Variants in SYT1 observed in about 807,000 individuals in gnomAD.
The protein encoded by SYT1 is synaptotagmin 1, also known as synaptotagmin-1.
SYT1 carries 8 observed loss-of-function variants against 44.8 expected under a neutral mutation model. The observed-to-expected ratio is 0.18, with a 90% CI of 0.10 to 0.32. The LOEUF is 0.32. Ranked by LOEUF, SYT1 falls within the 10% of genes least tolerant of loss-of-function variation. The probability of loss-of-function intolerance (pLI) is 1.00; values close to 1 mark genes in which losing one functional copy is unlikely to be tolerated. For missense variants in SYT1, 286 were observed against 509.3 expected (o/e 0.56, Z 4.22); for synonymous variants, 154 against 188.8 (o/e 0.82, Z 1.51).
At chr12:79,425,796 TA>T (rs1869409845) in intron 9 of SYT1, among the ~76,000 whole-genome samples, 1 of 152,182 alleles carries the variant, frequency 6.6e-6, no homozygotes, top group Non-Finnish European at 1.5e-5. Context: ...TCTGTCCATC[TA>T]ACACAGTTGT....
chr12:79,248,128 C>G (rs1190411449), intron 4 of SYT1, among the ~76,000 whole-genome samples: 1 of 152,132 alleles, frequency 6.6e-6, no homozygotes, highest in Non-Finnish European at 1.5e-5. Flanking sequence ...AGTAGGTGAA[C>G]TAATCACATA....
intron 8 of SYT1, among the ~76,000 whole-genome samples, chr12:79,344,447 C>T (rs1457448621): frequency 6.6e-6 from 1 of 152,018 alleles, no homozygotes; most frequent in Non-Finnish European, 1.5e-5. Flanking sequence ...ACTTTACTGT[C>T]ACTTTTTGTT....
chr12:79,073,833 C>G (rs1876453657), intron 3 of SYT1, among the ~76,000 whole-genome samples: 1 of 152,162 alleles, frequency 6.6e-6, no homozygotes, highest in South Asian at 2.1e-4. Flanking sequence ...ATCTCTGCCT[C>G]TCAGCACAGG....
intron 3 of SYT1, among the ~76,000 whole-genome samples, chr12:79,096,382 A>G (rs1394068936): frequency 6.6e-6 from 1 of 151,948 alleles, no homozygotes; most frequent in Non-Finnish European, 1.5e-5. Context: ...GTACACTCTG[A>G]GGTGATGTAT....
chr12:79,448,985 T>C lies in SYT1; in HGVS notation c.1130T>C (p.Val377Ala), dbSNP rs1360029953. Residue 377 changes from valine to alanine, a missense_variant, in exon 11 of 11, where the codon GTC (valine) becomes GCC (alanine). Around this residue, in one of 6 missense-constraint regions of SYT1, gnomAD observed 34 missense variants for 59.0 expected, o/e 0.58. Transcript: ENST00000261205. ...KIGKNDAIGK[V>A]FVGYNSTGAE... The stretch of plus-strand genomic sequence containing the variant: ...GGCAAGAACGATGCCATCGGCAAAG[T>C]CTTTGTGGGCTACAACAGCACCGGC... 1.2e-6 allele frequency: 2 copies of C among 1,614,184 alleles called. No homozygotes were observed. Among genetic ancestry groups the C allele is most frequent in the Admixed American group, 1.7e-5 (1 of 60,026 alleles).
chr12:78,907,395 T>C (rs1876051468), intron 1 of SYT1, among the ~76,000 whole-genome samples: 1 of 151,928 alleles, frequency 6.6e-6, no homozygotes, highest in Non-Finnish European at 1.5e-5. Context: ...TAAATCAGAA[T>C]ATATTACATA....
At chr12:79,334,254 TA>T (rs201737923) in intron 8 of SYT1, among the ~76,000 whole-genome samples, 2,848 of 147,572 alleles carry the variant, frequency 0.019, 84 homozygotes, top group African/African-American at 0.066. Context: ...TTCCCACAGT[TA>T]AAAAAAAAAA....
intron 2 of SYT1, among the ~76,000 whole-genome samples, chr12:79,018,209 C>T (rs1197001862): frequency 1.3e-5 from 2 of 151,572 alleles, no homozygotes; most frequent in Non-Finnish European, 2.9e-5. Context: ...ATGGATGAAG[C>T]TGGAAACCAT....
At chr12:79,367,313 AC>A (rs950784374) in intron 9 of SYT1, among the ~76,000 whole-genome samples, 5 of 152,030 alleles carry the variant, frequency 3.3e-5, no homozygotes, top group African/African-American at 9.7e-5. Context: ...AAAATGAACC[AC>A]CGCAAGTTGG....
chr12:79,232,313 C>T (rs138895282), intron 4 of SYT1, among the ~76,000 whole-genome samples: 30 of 152,296 alleles, frequency 2.0e-4, no homozygotes, highest in African/African-American at 6.5e-4. Context: ...AACTTTTCTG[C>T]GAGAAGGACT....
chr12:79,026,667 T>TTTTA (rs1298013189), intron 2 of SYT1, among the ~76,000 whole-genome samples: 24 of 102,252 alleles, frequency 2.3e-4, no homozygotes, highest in African/African-American at 8.0e-4. Context: ...CATATATATT[T>TTTTA]TATATATATA....
chr12:78,907,836 T>C (rs1480208445), intron 1 of SYT1, among the ~76,000 whole-genome samples: 1 of 152,068 alleles, frequency 6.6e-6, no homozygotes, highest in Non-Finnish European at 1.5e-5. Context: ...TAGGACTTAA[T>C]AGAAGCAAAA....
chr12:79,227,811 G>A (rs1287752978), intron 4 of SYT1, among the ~76,000 whole-genome samples: 1 of 152,116 alleles, frequency 6.6e-6, no homozygotes, highest in Non-Finnish European at 1.5e-5. Flanking sequence ...CACTGAATAA[G>A]CGCTCTATAA....
At chr12:79,234,793 C>T (rs559489596) in intron 4 of SYT1, among the ~76,000 whole-genome samples, 4 of 151,108 alleles carry the variant, frequency 2.6e-5, no homozygotes, top group Non-Finnish European at 5.9e-5. Flanking sequence ...TCACTGCAAC[C>T]TCCGCCTTCT....
At chr12:79,288,210 G>A (rs1444982819) in intron 5 of SYT1, among the ~76,000 whole-genome samples, 1 of 151,952 alleles carries the variant, frequency 6.6e-6, no homozygotes, top group Non-Finnish European at 1.5e-5. Flanking sequence ...GATTTTAAGA[G>A]GATGTTTCAT....
At chr12:79,017,803 GAAAT>G (rs1871906465) in intron 2 of SYT1, among the ~76,000 whole-genome samples, 1 of 152,060 alleles carries the variant, frequency 6.6e-6, no homozygotes, top group Non-Finnish European at 1.5e-5. Context: ...TGTCAACGAG[GAAAT>G]AAATAGATAG....
At chr12:79,384,666 C>T (rs12371960) in intron 9 of SYT1, among the ~76,000 whole-genome samples, 83,535 of 151,972 alleles carry the variant, frequency 0.55, 26,065 homozygotes, top group Non-Finnish European at 0.7. Flanking sequence ...CTGGGAGATC[C>T]GGAGCACCAT....
chr12:79,136,371 A>C (rs1332679025), intron 3 of SYT1, among the ~76,000 whole-genome samples: 3 of 152,214 alleles, frequency 2.0e-5, no homozygotes, highest in Non-Finnish European at 4.4e-5. Context: ...TTAGCTCACA[A>C]GAGTGAGGCT....
At chr12:79,441,235 G>T (rs751661862) in intron 9 of SYT1, among the ~76,000 whole-genome samples, 2 of 151,790 alleles carry the variant, frequency 1.3e-5, no homozygotes, top group Non-Finnish European at 2.9e-5. Context: ...GGCAAAGACC[G>T]AGACTTCCCG....
Sources: allele counts gnomAD v4.1 joint callset (sites outside exome capture counted in the v4.1 genomes callset), GRCh38; gene constraint gnomAD v4.1.1; regional missense constraint gnomAD v4.1.1; transcripts MANE v1.5; gene names NCBI Gene and HGNC (gene_info 2026-07-23, HGNC 2026-07-21).